GABRA2: variants seen among roughly 807,000 people sequenced by gnomAD.
The protein encoded by GABRA2 is gamma-aminobutyric acid receptor subunit alpha-2.
In GABRA2, 16 loss-of-function variants were observed where a neutral mutation model predicts 48.7. The observed-to-expected ratio is 0.33, with a 90% CI of 0.22 to 0.50. The LOEUF (loss-of-function observed/expected upper bound fraction) is 0.50. Ranked by LOEUF, GABRA2 falls within the 20% of genes least tolerant of loss-of-function variation. The pLI is 0.98. For missense variants in GABRA2, 275 were observed against 535.6 expected (o/e 0.51, Z 4.80); for synonymous variants, 185 against 184.5 (o/e 1.00, Z -0.02).
intron 9 of GABRA2, among the ~76,000 whole-genome samples, chr4:46,252,171 T>G (rs1205525682): frequency 6.6e-6 from 1 of 151,472 alleles, no homozygotes; most frequent in African/African-American, 2.4e-5. Context: ...CATCTTTCAC[T>G]GGCCTGAGTT....
chr4:46,323,748 G>T (rs1020685528), intron 4 of GABRA2, among the ~76,000 whole-genome samples: 1 of 151,110 alleles, frequency 6.6e-6, no homozygotes, highest in African/African-American at 2.4e-5. Flanking sequence ...AAAAAAAAAG[G>T]TATGAACGCC....
At chr4:46,328,268 C>A (rs1338792697) in intron 4 of GABRA2, among the ~76,000 whole-genome samples, 1 of 120,412 alleles carries the variant, frequency 8.3e-6, no homozygotes, top group African/African-American at 3.5e-5. Context: ...TCCAAGATAG[C>A]AGAGTGTGTG....
At chr4:46,325,435 G>A (rs561211199) in intron 4 of GABRA2, among the ~76,000 whole-genome samples, 2 of 151,712 alleles carry the variant, frequency 1.3e-5, no homozygotes, top group Non-Finnish European at 2.9e-5. Context: ...GAGATTGTTT[G>A]TTTTTCACTT....
intron 4 of GABRA2, among the ~76,000 whole-genome samples, chr4:46,316,320 A>G (rs1396708292): frequency 6.6e-6 from 1 of 152,006 alleles, no homozygotes; most frequent in Non-Finnish European, 1.5e-5. Flanking sequence ...ACATTTTAGA[A>G]TTTGTGGGCC....
chr4:46,268,157 T>A (rs1224065080), intron 8 of GABRA2, among the ~76,000 whole-genome samples: 1 of 151,858 alleles, frequency 6.6e-6, no homozygotes, highest in Non-Finnish European at 1.5e-5. Flanking sequence ...TTTTTTAGGT[T>A]TGACTGTGAA....
chr4:46,250,261 C>A lies in GABRA2; in HGVS notation c.*47G>T. On this transcript the variant is annotated 3_prime_UTR_variant, in exon 10 of 10. Transcript: ENST00000381620. ...GTCAGACTGTACATAGCAAAACAAA[C>A]CAAATTTAATGTTGCTATACATCCC... is the stretch of plus-strand genomic sequence containing the variant. The A allele has an allele frequency of 6.5e-7, 1 of 1,532,108 alleles. No homozygotes were observed. Among genetic ancestry groups the A allele is most frequent in the South Asian group, 1.2e-5 (1 of 81,756 alleles). The allele number at this position is 1,532,108 out of a possible 1,614,324, so 94.9% of individuals were successfully genotyped here.
At chr4:46,276,620 C>T (rs1441392895) in intron 8 of GABRA2, among the ~76,000 whole-genome samples, 1 of 148,424 alleles carries the variant, frequency 6.7e-6, no homozygotes, top group Non-Finnish European at 1.5e-5. Flanking sequence ...AAAAAAAGAG[C>T]GTAGTTTGAT....
At chr4:46,264,571 T>C (rs901321588) in intron 8 of GABRA2, among the ~76,000 whole-genome samples, 1 of 152,114 alleles carries the variant, frequency 6.6e-6, no homozygotes, top group Non-Finnish European at 1.5e-5. Flanking sequence ...AAAATGTGGC[T>C]GATTTTAGTT....
intron 3 of GABRA2, among the ~76,000 whole-genome samples, chr4:46,383,618 A>C (rs1282567554): frequency 6.6e-6 from 1 of 152,222 alleles, no homozygotes; most frequent in Non-Finnish European, 1.5e-5. Flanking sequence ...ATATGATAGC[A>C]CATAATATGT....
chr4:46,389,184 G>A (rs200525475), intron 1 of GABRA2: 3 of 988,290 alleles, frequency 3.0e-6, no homozygotes, highest in Admixed American at 6.0e-5. Flanking sequence ...CAACCACAGC[G>A]GGAAAAGCTA....
At chr4:46,254,463 A>G (rs564517073) in intron 9 of GABRA2, among the ~76,000 whole-genome samples, 17 of 151,504 alleles carry the variant, frequency 1.1e-4, no homozygotes, top group Non-Finnish European at 2.4e-4. Context: ...GATAGTTCTG[A>G]TGGCTAATTT....
At chr4:46,347,926 G>T (rs897310456) in intron 3 of GABRA2, among the ~76,000 whole-genome samples, 1 of 151,800 alleles carries the variant, frequency 6.6e-6, no homozygotes, top group African/African-American at 2.4e-5. Context: ...TGTTTAAAAG[G>T]TTCTAATTAA....
At chr4:46,264,981 T>TTATATATATATA (rs1553899760) in intron 8 of GABRA2, among the ~76,000 whole-genome samples, 4 of 47,872 alleles carry the variant, frequency 8.4e-5, no homozygotes, top group Non-Finnish European at 1.8e-4. Context: ...CAGAATTACT[T>TTATATATATATA]TATACATATA....
chr4:46,252,832 A>T (rs182644779), intron 9 of GABRA2, among the ~76,000 whole-genome samples: 2 of 151,462 alleles, frequency 1.3e-5, no homozygotes. Context: ...AAATTTCCTT[A>T]ATGTTTTTCT....
intron 3 of GABRA2, among the ~76,000 whole-genome samples, chr4:46,350,768 C>T (rs1208855660): frequency 6.6e-6 from 1 of 151,672 alleles, no homozygotes; most frequent in Non-Finnish European, 1.5e-5. Context: ...GCCTATTATA[C>T]TATTTAATAT....
chr4:46,288,719 C>T (rs1250404916), intron 8 of GABRA2, among the ~76,000 whole-genome samples: 2 of 152,044 alleles, frequency 1.3e-5, no homozygotes, highest in South Asian at 2.1e-4. Flanking sequence ...CAAATGGGAT[C>T]TAATTGAACT....
At chr4:46,291,995 A>G (rs1172999677) in intron 8 of GABRA2, among the ~76,000 whole-genome samples, 1 of 151,962 alleles carries the variant, frequency 6.6e-6, no homozygotes, top group Non-Finnish European at 1.5e-5. Flanking sequence ...TATACTTCTA[A>G]TAGTATGGAG....
At chr4:46,273,198 C>T (rs1295546050) in intron 8 of GABRA2, among the ~76,000 whole-genome samples, 4 of 151,762 alleles carry the variant, frequency 2.6e-5, no homozygotes, top group Admixed American at 6.6e-5. Context: ...CTTTGGTTTA[C>T]AGCACTTTGA....
At chr4:46,275,196 T>G (rs1720247098) in intron 8 of GABRA2, among the ~76,000 whole-genome samples, 1 of 152,080 alleles carries the variant, frequency 6.6e-6, no homozygotes, top group South Asian at 2.1e-4. Context: ...ACCAAACTAC[T>G]CTGTTCCTCG....
Sources: allele counts gnomAD v4.1 joint callset (sites outside exome capture counted in the v4.1 genomes callset), GRCh38; gene constraint gnomAD v4.1.1; transcripts MANE v1.5; gene names NCBI Gene and HGNC (gene_info 2026-07-23, HGNC 2026-07-21).